Variants in ARID3B observed in about 807,000 individuals in gnomAD.
ARID3B encodes the protein AT-rich interactive domain-containing protein 3B.
A neutral mutation model predicts 51.9 loss-of-function variants in ARID3B; 10 were observed. That is an observed-to-expected ratio of 0.19 (90% CI 0.12 to 0.33). The LOEUF is 0.33. ARID3B is among the 10% of genes least tolerant of loss of function. ARID3B has a pLI of 1.00. For missense variants in ARID3B, 483 were observed against 716.3 expected (o/e 0.67, Z 3.72); for synonymous variants, 205 against 279.5 (o/e 0.73, Z 2.66).
At chr15:74,566,774 T>TA (rs1441877340) in intron 2 of ARID3B, among the ~76,000 whole-genome samples, 1 of 152,004 alleles carries the variant, frequency 6.6e-6, no homozygotes, top group Non-Finnish European at 1.5e-5. Context: ...ATTTTTAAAA[T>TA]AAAAAAAGAG....
intron 2 of ARID3B, among the ~76,000 whole-genome samples, chr15:74,550,193 T>C (rs564753210): frequency 8.1e-4 from 124 of 152,264 alleles, no homozygotes; most frequent in African/African-American, 2.9e-3. Flanking sequence ...GAACTTGAGA[T>C]CTCTTACTTG....
chr15:74,558,714 A>C (rs1187086207), intron 2 of ARID3B, among the ~76,000 whole-genome samples: 1 of 152,050 alleles, frequency 6.6e-6, no homozygotes, highest in Admixed American at 6.6e-5. Flanking sequence ...TTCCTGTGTC[A>C]TGTTACTGTC....
At chr15:74,574,705 AAAAC>A (rs1273463456) in intron 4 of ARID3B, 1 of 152,182 alleles carries the variant, frequency 6.6e-6, no homozygotes. Flanking sequence ...GTGTCAGTAA[AAAAC>A]AATATAATCC....
rs553041523 is a variant in ARID3B at position 74,595,913 on chromosome 15, T to C, written c.*139T>C. The C allele has an allele frequency of 6.5e-6, 6 of 928,126 alleles. No individual in the cohort carries two copies. Among genetic ancestry groups the C allele is most frequent in the Admixed American group, 2.9e-5 (1 of 34,590 alleles). 57.5% of individuals were successfully genotyped at this position (928,126 alleles called of 1,614,324 possible). A position where few individuals can be genotyped will look rare whatever the true frequency, so the allele number is the denominator to read the frequency against. On this transcript the variant is annotated 3_prime_UTR_variant, in exon 9 of 9. Coordinates refer to ENST00000346246, the MANE Select transcript of ARID3B (RefSeq NM_006465.4). Reference sequence around the variant, plus strand: ...CATTGAGAGTTTGGACGTGTCCGTCTGTCCAGGCTCCATTCAGGTCCTGCT... The same window carrying C: ...CATTGAGAGTTTGGACGTGTCCGTCCGTCCAGGCTCCATTCAGGTCCTGCT...
At position 74,588,700 on chromosome 15, in the gene ARID3B, G is replaced by A. The variant is rs184810614; in HGVS notation, c.698-1120G>A. Among the ~76,000 whole-genome samples the A allele has an allele frequency of 7.3e-3, 1,118 of 152,162 alleles. 10 individuals carry two copies. The highest frequency in any genetic ancestry group is 8.5e-3 in the Non-Finnish European group (580 of 67,996). On this transcript the variant is annotated intron_variant, in intron 4 of 8. Transcript: ENST00000346246. The stretch of plus-strand genomic sequence containing the variant: ...ATGAGCATCCCAGCCGGCTGTGAAA[G>A]GACTTGCCCCGCCCTCACCATATCC...
intron 2 of ARID3B, among the ~76,000 whole-genome samples, chr15:74,555,178 G>A (rs1232110145): frequency 6.6e-6 from 1 of 152,034 alleles, no homozygotes; most frequent in Non-Finnish European, 1.5e-5. Context: ...ACAAGTATCT[G>A]AGCCTTCAGC....
At chr15:74,595,461 A>G in intron 8 of ARID3B, 150 bp from the exon 9 acceptor site, 1 of 836,468 alleles carries the variant, frequency 1.2e-6, no homozygotes, top group Non-Finnish European at 1.8e-6. Flanking sequence ...AAGGCAGGAC[A>G]GCATTTGGAT....
intron 2 of ARID3B, among the ~76,000 whole-genome samples, chr15:74,546,417 TGCAGCC>T (rs2061616063): frequency 6.6e-6 from 1 of 152,306 alleles, no homozygotes; most frequent in African/African-American, 2.4e-5. Context: ...TCCTAGAAAG[TGCAGCC>T]GCATGCGAGG....
intron 1 of ARID3B, among the ~76,000 whole-genome samples, chr15:74,543,073 A>G (rs772898153): frequency 5.3e-5 from 8 of 152,242 alleles, no homozygotes; most frequent in Non-Finnish European, 1.2e-4. Context: ...TGTTCAGACA[A>G]TGTTGATATC....
At chr15:74,565,782 T>C (rs907074777) in intron 2 of ARID3B, among the ~76,000 whole-genome samples, 1 of 151,878 alleles carries the variant, frequency 6.6e-6, no homozygotes, top group Non-Finnish European at 1.5e-5. Flanking sequence ...CAAGGTAGCC[T>C]TCTTGGATCA....
intron 8 of ARID3B, 136 bp downstream of exon 8, chr15:74,593,372 A>G: frequency 2.6e-6 from 2 of 757,682 alleles, no homozygotes; most frequent in Non-Finnish European, 4.3e-6. Context: ...TCAGAGTTGC[A>G]AAGGTCAAGT....
At chr15:74,547,151 T>C (rs940562682) in intron 2 of ARID3B, among the ~76,000 whole-genome samples, 1 of 150,190 alleles carries the variant, frequency 6.7e-6, no homozygotes, top group Admixed American at 6.6e-5. Context: ...CACAGATCTT[T>C]CCCCCCCGCC....
intron 2 of ARID3B, among the ~76,000 whole-genome samples, chr15:74,547,151 T>TCC (rs1201289406): frequency 1.3e-5 from 2 of 150,190 alleles, no homozygotes; most frequent in South Asian, 2.1e-4. Flanking sequence ...CACAGATCTT[T>TCC]CCCCCCCGCC....
At chr15:74,594,402 C>T (rs1373889678) in intron 8 of ARID3B, among the ~76,000 whole-genome samples, 7 of 151,936 alleles carry the variant, frequency 4.6e-5, no homozygotes, top group African/African-American at 9.7e-5. Context: ...GAGCTGAGAT[C>T]GCGCCACTGC....
At chr15:74,554,485 TAG>T (rs911301822) in intron 2 of ARID3B, among the ~76,000 whole-genome samples, 1 of 151,702 alleles carries the variant, frequency 6.6e-6, no homozygotes, top group African/African-American at 2.4e-5. Context: ...GTATTTTTAG[TAG>T]AGACAGGATT....
intron 2 of ARID3B, among the ~76,000 whole-genome samples, chr15:74,563,495 GA>G (rs928851297): frequency 3.9e-4 from 59 of 152,028 alleles, no homozygotes; most frequent in East Asian, 7.7e-4. Flanking sequence ...TGTTTGGGGG[GA>G]AAAAAAAGTT....
At chr15:74,594,186 C>A (rs543228728) in intron 8 of ARID3B, among the ~76,000 whole-genome samples, 1 of 152,178 alleles carries the variant, frequency 6.6e-6, no homozygotes. Context: ...CGGTGGCTCA[C>A]GCCTGTAATC....
chr15:74,573,124 G>T lies in ARID3B; in HGVS notation c.625-8G>T, dbSNP rs763228485. ...CTGTGTGTTTTTCTTGGGGGATTGG[G>T]ATTGCAGCTGTATGAACTGGACGGT... On this transcript the variant is annotated splice_region_variant and splice_polypyrimidine_tract_variant and intron_variant, in intron 3 of 8. Transcript: ENST00000346246. 3 of 1,613,846 alleles carry T rather than the reference G, an allele frequency of 1.9e-6. No individual in the cohort carries two copies. Among genetic ancestry groups the T allele is most frequent in the Admixed American group, 1.7e-5 (1 of 60,008 alleles).
chr15:74,572,217 A>G (rs538439183), intron 2 of ARID3B, among the ~76,000 whole-genome samples: 21 of 152,350 alleles, frequency 1.4e-4, no homozygotes, highest in African/African-American at 4.3e-4. Flanking sequence ...CTTCAACCCA[A>G]TCAATTAAGT....
Sources: gnomAD v4.1 joint callset for allele counts (sites outside exome capture counted in the v4.1 genomes callset) on GRCh38, gnomAD v4.1.1 for gene constraint, MANE v1.5 for transcripts, NCBI Gene and HGNC (gene_info 2026-07-23, HGNC 2026-07-21) for gene names.